The following PTK2 variants were observed in gnomAD, a reference collection of about 807,000 sequenced individuals.
PTK2 encodes protein tyrosine kinase 2.
In PTK2, 45 loss-of-function variants were observed where a neutral mutation model predicts 150.1. That is an observed-to-expected ratio of 0.30 (90% CI 0.24 to 0.38). PTK2 has a LOEUF of 0.38. Ranked by LOEUF, PTK2 falls within the 10% of genes least tolerant of loss-of-function variation. The pLI is 1.00. For synonymous variants in PTK2, 432 were observed against 449.2 expected (o/e 0.96, Z 0.48); for missense variants, 919 against 1,307.3 (o/e 0.70, Z 4.58).
chr8:140,828,008 A>G (rs926123044), intron 8 of PTK2, among the ~76,000 whole-genome samples: 3 of 152,056 alleles, frequency 2.0e-5, no homozygotes, highest in Non-Finnish European at 4.4e-5. Context: ...CTCTACTAAA[A>G]ATAAAAAAAT....
At chr8:140,879,285 C>T (rs866489780) in intron 4 of PTK2, 186 bp downstream of exon 4, 2 of 526,138 alleles carry the variant, frequency 3.8e-6, no homozygotes, top group Middle Eastern at 5.0e-4. Flanking sequence ...ATTAATAATA[C>T]CCAAAAGCTA....
intron 14 of PTK2, among the ~76,000 whole-genome samples, chr8:140,770,152 T>A (rs772245317): frequency 1.3e-5 from 2 of 152,180 alleles, no homozygotes; most frequent in Non-Finnish European, 2.9e-5. Context: ...ACAACGAAGG[T>A]TCCCATTTAA....
chr8:140,782,243 GTT>G lies in PTK2; in HGVS notation c.1177+7229_1177+7230del, dbSNP rs1240768281. On this transcript the variant is annotated intron_variant, in intron 14 of 31. Transcript: ENST00000522684. ...TGAATTTATCTTTTAAAATTTGGTT[GTT>G]TTTTTTTTTGGGGGGGGGGACAGGG... Among the ~76,000 whole-genome samples, 810 of 97,566 alleles carry G rather than the reference GTT, an allele frequency of 8.3e-3. 10 individuals are homozygous for G. The highest frequency in any genetic ancestry group is 0.038 in the African/African-American group (759 of 19,786). The allele number at this position is 97,566 out of a possible 152,430, so 64.0% of individuals were successfully genotyped here.
intron 5 of PTK2, among the ~76,000 whole-genome samples, chr8:140,862,760 T>G (rs1398511150): frequency 6.6e-6 from 1 of 152,156 alleles, no homozygotes; most frequent in Non-Finnish European, 1.5e-5. Context: ...GGATCTAGGT[T>G]GCGCATTCCT....
At chr8:140,800,006 G>C (rs769647030) in intron 12 of PTK2, among the ~76,000 whole-genome samples, 33 of 151,962 alleles carry the variant, frequency 2.2e-4, no homozygotes, top group Non-Finnish European at 4.1e-4. Context: ...TCTAATCTTT[G>C]ATTTTTTAAC....
exon 32 of PTK2, chr8:140,658,484 C>A (rs2075338463): frequency 5.3e-6 from 1 of 189,360 alleles, no homozygotes; most frequent in African/African-American, 2.3e-5. Flanking sequence ...TATCCCCCAA[C>A]AAACTAAAGG....
chr8:140,751,896 T>G (rs761263106), intron 17 of PTK2: 1 of 531,636 alleles, frequency 1.9e-6, no homozygotes, highest in African/African-American at 1.9e-5. Flanking sequence ...GTGTGTGTCA[T>G]GCTCACCTCT....
chr8:140,684,715 C>T (rs913114999), intron 27 of PTK2, among the ~76,000 whole-genome samples: 5 of 152,042 alleles, frequency 3.3e-5, no homozygotes, highest in African/African-American at 9.7e-5. Context: ...AGAGATGACA[C>T]GAACAAATGG....
At chr8:140,871,985 G>A in intron 4 of PTK2, among the ~76,000 whole-genome samples, 1 of 152,140 alleles carries the variant, frequency 6.6e-6, no homozygotes, top group East Asian at 1.9e-4. Context: ...AAGGTGGGCA[G>A]ATCATGAGGT....
intron 1 of PTK2, among the ~76,000 whole-genome samples, chr8:140,972,141 C>T (rs528119039): frequency 6.6e-6 from 1 of 152,102 alleles, no homozygotes; most frequent in Non-Finnish European, 1.5e-5. Flanking sequence ...ATAGCAAACA[C>T]TAAGTTCAAA....
At chr8:140,937,551 T>C (rs1207227338) in intron 1 of PTK2, among the ~76,000 whole-genome samples, 1 of 150,184 alleles carries the variant, frequency 6.7e-6, no homozygotes, top group African/African-American at 2.4e-5. Flanking sequence ...TCTCCCAAGT[T>C]TAAGGAAATC....
chr8:140,868,184 A>C (rs1734652104), intron 4 of PTK2, among the ~76,000 whole-genome samples: 1 of 152,200 alleles, frequency 6.6e-6, no homozygotes, highest in African/African-American at 2.4e-5. Flanking sequence ...TATGTTTTTG[A>C]AAAGCTGAGC....
chr8:140,950,482 C>T (rs1184762423), intron 1 of PTK2, among the ~76,000 whole-genome samples: 5 of 152,258 alleles, frequency 3.3e-5, no homozygotes, highest in African/African-American at 1.2e-4. Context: ...CAGCAGCTGG[C>T]TGTGCAAGGT....
At chr8:140,717,688 C>G (rs1295044393) in exon 23 of PTK2, 2 of 1,613,870 alleles carry the variant, frequency 1.2e-6, no homozygotes, top group Non-Finnish European at 1.7e-6. Context: ...CTTGCTGAGC[C>G]TTCTCTTCCT....
chr8:140,695,103 C>T (rs1340026382), intron 26 of PTK2, among the ~76,000 whole-genome samples: 1 of 152,258 alleles, frequency 6.6e-6, no homozygotes, highest in Admixed American at 6.5e-5. Context: ...CCAAACCTGG[C>T]ATCATCATGT....
rs962495468 is a variant in PTK2 at position 140,738,945 on chromosome 8, AAG to A, written c.1825+71_1825+72del. 3 of 1,071,676 alleles carry A rather than the reference AAG, an allele frequency of 2.8e-6. No individual in the cohort carries two copies. In the African/African-American group the frequency reaches 5.2e-5, roughly 18 times the overall value. The allele number at this position is 1,071,676 out of a possible 1,614,324, so 66.4% of individuals were successfully genotyped here. On this transcript the variant is annotated intron_variant, in intron 21 of 31. Transcript: ENST00000522684. ...GGCAAATCAACCTACATATTCCAAA[AAG>A]AGATAATTTTTTTTTGTATAACATA... is the stretch of plus-strand genomic sequence containing the variant.
rs143180605 is a variant in PTK2, at chr8:140,912,479, A to C, written c.-33+13182T>G. Among the ~76,000 whole-genome samples, 973 of 152,244 alleles carry C rather than the reference A, an allele frequency of 6.4e-3. 12 individuals carry two copies. The highest frequency in any genetic ancestry group is 0.022 in the African/African-American group (926 of 41,546). On this transcript the variant is annotated intron_variant, in intron 2 of 31. Transcript: ENST00000522684. ...GCAAGACCTCATTTCTCAAAAAATA[A>C]AGATAAATACAAATTTTAAACACTA...
intron 1 of PTK2, among the ~76,000 whole-genome samples, chr8:140,956,929 C>A (rs770736280): frequency 5.9e-4 from 89 of 152,118 alleles, no homozygotes; most frequent in Non-Finnish European, 9.0e-4. Flanking sequence ...GGCATGGTGA[C>A]ACATGCCTGT....
intron 22 of PTK2, among the ~76,000 whole-genome samples, chr8:140,719,936 AC>A (rs1475481423): frequency 1.7e-4 from 26 of 151,780 alleles, no homozygotes; most frequent in Non-Finnish European, 3.2e-4. Flanking sequence ...AACAACAACA[AC>A]AACAACAACA....
Sources: allele counts gnomAD v4.1 joint callset (sites outside exome capture counted in the v4.1 genomes callset), GRCh38; gene constraint gnomAD v4.1.1; transcripts MANE v1.5; gene names NCBI Gene and HGNC (gene_info 2026-07-23, HGNC 2026-07-21).